WDPCP: variants seen among roughly 807,000 people sequenced by gnomAD.
WDPCP encodes the protein WD repeat containing planar cell polarity effector, also known as WD repeat-containing and planar cell polarity effector protein fritz homolog.
In WDPCP, 71 loss-of-function variants were observed where a neutral mutation model predicts 93.1. The observed-to-expected ratio is 0.76, with a 90% CI of 0.63 to 0.93. WDPCP has a LOEUF of 0.93. WDPCP is among the 40% of genes least tolerant of loss of function. WDPCP has a pLI of 0.00. For missense variants in WDPCP, 844 were observed against 887.4 expected (o/e 0.95, Z 0.62); for synonymous variants, 315 against 315.0 (o/e 1.00, Z 0.00).
At chr2:63,725,745 T>C (rs1269288932) in intron 2 of WDPCP, among the ~76,000 whole-genome samples, 1 of 152,220 alleles carries the variant, frequency 6.6e-6, no homozygotes, top group African/African-American at 2.4e-5. Flanking sequence ...CCATTCTGAC[T>C]GGTATGAGAT....
At chr2:63,722,398 A>T (rs1466572859) in intron 2 of WDPCP, among the ~76,000 whole-genome samples, 1 of 145,844 alleles carries the variant, frequency 6.9e-6, no homozygotes, top group Non-Finnish European at 1.5e-5. Context: ...CTGGGATGTG[A>T]GGAGCACCTC....
At chr2:63,539,502 C>A (rs1704552429) in intron 1 of WDPCP, among the ~76,000 whole-genome samples, 1 of 152,150 alleles carries the variant, frequency 6.6e-6, no homozygotes, top group Non-Finnish European at 1.5e-5. Flanking sequence ...TTGAAACCAG[C>A]CTGGCCAACA....
intron 13 of WDPCP, among the ~76,000 whole-genome samples, chr2:63,305,902 A>G (rs925493204): frequency 2.0e-5 from 3 of 152,202 alleles, no homozygotes; most frequent in Non-Finnish European, 2.9e-5. Flanking sequence ...GAACTTCACA[A>G]AGCATACTGA....
chr2:63,320,460 T>A (rs755339204), intron 12 of WDPCP, among the ~76,000 whole-genome samples: 1 of 152,168 alleles, frequency 6.6e-6, no homozygotes, highest in African/African-American at 2.4e-5. Flanking sequence ...CACTAGTCTG[T>A]TGAAAGCAAA....
chr2:63,487,393 A>C (rs1558700097), intron 3 of WDPCP, 54 bp downstream of exon 3: 2 of 1,289,428 alleles, frequency 1.6e-6, no homozygotes, highest in Non-Finnish European at 2.2e-6. Context: ...TCAGTATTTC[A>C]TGGTTTAGAA....
rs115658866 is a variant in WDPCP at position 63,662,404 on chromosome 2, C to T, written n.309-11566G>A. ...ATGTATATGTATGTATGCATACACACACATAAATTCATATTTATGACAGAA... is the reference window on the plus strand; with the variant it reads ...ATGTATATGTATGTATGCATACACATACATAAATTCATATTTATGACAGAA... On this transcript the variant is annotated intron_variant and non_coding_transcript_variant, in intron 2 of 4. Coordinates refer to the WDPCP transcript ENST00000467687. Among the ~76,000 whole-genome samples the T allele has an allele frequency of 2.5e-3, 377 of 152,240 alleles. 1 individual carries two copies. The highest frequency in any genetic ancestry group is 4.1e-3 in the Admixed American group (62 of 15,302).
intron 12 of WDPCP, among the ~76,000 whole-genome samples, chr2:63,374,605 A>G (rs1691693070): frequency 6.6e-6 from 1 of 152,194 alleles, no homozygotes; most frequent in Non-Finnish European, 1.5e-5. Flanking sequence ...TGTTTTAGTC[A>G]CAAAATGATT....
intron 2 of WDPCP, among the ~76,000 whole-genome samples, chr2:63,783,261 T>A (rs1294250449): frequency 2.0e-5 from 3 of 149,640 alleles, no homozygotes. Flanking sequence ...AAAAAAAAAA[T>A]TAAAAAGGAA....
At chr2:63,385,926 C>T (rs1692695445) in intron 10 of WDPCP, among the ~76,000 whole-genome samples, 1 of 151,976 alleles carries the variant, frequency 6.6e-6, no homozygotes. Context: ...ACATTTAATT[C>T]ACTAAAAGAC....
At chr2:63,528,838 A>G (rs1181385766) in intron 1 of WDPCP, among the ~76,000 whole-genome samples, 2 of 152,152 alleles carry the variant, frequency 1.3e-5, no homozygotes, top group Admixed American at 1.3e-4. Flanking sequence ...GATTCTTCCA[A>G]TCCATGAACA....
chr2:63,475,999 C>G (rs1312363835), intron 6 of WDPCP, among the ~76,000 whole-genome samples: 1 of 152,056 alleles, frequency 6.6e-6, no homozygotes, highest in East Asian at 1.9e-4. Context: ...ATTTGATTAC[C>G]TCTGGTCACT....
upstream of WDPCP, among the ~76,000 whole-genome samples, chr2:63,589,740 C>T (rs1709125581): frequency 6.6e-6 from 1 of 152,068 alleles, no homozygotes; most frequent in African/African-American, 2.4e-5. Flanking sequence ...TCATGGAAGA[C>T]CTGGGTAACC....
chr2:63,313,356 T>C (rs1686327786), intron 12 of WDPCP, 45 bp from the exon 13 acceptor site: 2 of 1,562,576 alleles, frequency 1.3e-6, no homozygotes, highest in East Asian at 2.3e-5. Flanking sequence ...AACAAGAATA[T>C]ATAAAAGAAA....
intron 2 of WDPCP, among the ~76,000 whole-genome samples, chr2:63,782,643 A>C (rs991106494): frequency 1.3e-4 from 20 of 152,148 alleles, no homozygotes; most frequent in Admixed American, 1.3e-3. Context: ...GAATTTTAAA[A>C]TTCTATTATA....
chr2:63,185,145 A>G (rs1674526168), intron 14 of WDPCP, among the ~76,000 whole-genome samples: 1 of 152,072 alleles, frequency 6.6e-6, no homozygotes, highest in African/African-American at 2.4e-5. Context: ...ATTTCTTTCT[A>G]TTGGTTTTTG....
intron 14 of WDPCP, chr2:63,232,968 T>C (rs933753226): frequency 5.8e-6 from 1 of 171,326 alleles, no homozygotes; most frequent in Non-Finnish European, 1.2e-5. Flanking sequence ...AAAGAAAGCA[T>C]TGAACTTGGA....
chr2:63,343,600 T>C (rs553405467), intron 12 of WDPCP, among the ~76,000 whole-genome samples: 1 of 152,194 alleles, frequency 6.6e-6, no homozygotes, highest in Non-Finnish European at 1.5e-5. Context: ...AAATTTGGGA[T>C]TTTTCTACCA....
rs536032945 is a variant in WDPCP, at chr2:63,273,911, A to G, written c.1813-14502T>C. ...TTAAATACAATAGTTGGAGACTTCA[A>G]CACTTTTCATTCTCAGCATTGGACA... On this transcript the variant is annotated intron_variant, in intron 13 of 17. Transcript: ENST00000272321. 2.0e-5 allele frequency among the ~76,000 whole-genome samples: 3 copies of G among 152,278 alleles called. No homozygotes were observed. In the East Asian group the frequency reaches 5.8e-4, roughly 29 times the overall value.
intron 2 of WDPCP, among the ~76,000 whole-genome samples, chr2:63,730,498 C>T (rs1219355898): frequency 3.3e-5 from 5 of 152,188 alleles, no homozygotes; most frequent in African/African-American, 1.2e-4. Context: ...GAGTCTCGCT[C>T]TGTTGCCCAG....
Sources: allele counts gnomAD v4.1 joint callset (sites outside exome capture counted in the v4.1 genomes callset), GRCh38; gene constraint gnomAD v4.1.1; transcripts MANE v1.5; gene names NCBI Gene and HGNC (gene_info 2026-07-23, HGNC 2026-07-21).